DOCK5: variants seen among roughly 807,000 people sequenced by gnomAD.
DOCK5 encodes the protein dedicator of cytokinesis protein 5.
Under a neutral mutation model 251.8 loss-of-function variants are expected in DOCK5, and 142 were observed. That is an observed-to-expected ratio of 0.56 (90% CI 0.49 to 0.65). The LOEUF (loss-of-function observed/expected upper bound fraction) is 0.65. Among genes scored for constraint, DOCK5 ranks in the 30% least tolerant of loss-of-function variants. The pLI is 0.00. For missense variants in DOCK5, 2,111 were observed against 2,312.3 expected, an observed-to-expected ratio of 0.91 and a Z score of 1.79; for synonymous variants, 842 against 835.5, an observed-to-expected ratio of 1.01 and a Z score of -0.13.
At chr8:25,348,647 G>A (rs1800411917) in intron 26 of DOCK5, among the ~76,000 whole-genome samples, 1 of 152,124 alleles carries the variant, frequency 6.6e-6, no homozygotes, top group Non-Finnish European at 1.5e-5. Context: ...AGACCAGCCT[G>A]ACCAACATGA....
At chr8:25,365,850 A>C (rs982375114) in intron 30 of DOCK5, among the ~76,000 whole-genome samples, 3 of 152,198 alleles carry the variant, frequency 2.0e-5, no homozygotes, top group Non-Finnish European at 2.9e-5. Flanking sequence ...TCAGAACTTT[A>C]AAAGTTGAAA....
At chr8:25,227,254 A>G (rs571217640) in intron 1 of DOCK5, among the ~76,000 whole-genome samples, 1 of 152,326 alleles carries the variant, frequency 6.6e-6, no homozygotes, top group African/African-American at 2.4e-5. Flanking sequence ...TGTAATCTGC[A>G]GGTAGAAAAT....
At chr8:25,374,745 A>C (rs766753132) in intron 37 of DOCK5, 91 bp downstream of exon 37, 9 of 1,609,488 alleles carry the variant, frequency 5.6e-6, no homozygotes, top group Non-Finnish European at 7.6e-6. Context: ...GATGGGAAAG[A>C]ACTTTATTCC....
chr8:25,258,166 G>A (rs1803470207), intron 2 of DOCK5, among the ~76,000 whole-genome samples: 1 of 151,868 alleles, frequency 6.6e-6, no homozygotes, highest in South Asian at 2.1e-4. Context: ...TGGAAATTTG[G>A]ATATATCATC....
chr8:25,233,711 T>C, intron 1 of DOCK5, among the ~76,000 whole-genome samples: 1 of 152,256 alleles, frequency 6.6e-6, no homozygotes, highest in East Asian at 1.9e-4. Context: ...TCTATCACTT[T>C]TCTTTCTTTT....
chr8:25,277,084 C>A, intron 4 of DOCK5: 1 of 153,726 alleles, frequency 6.5e-6, no homozygotes, highest in South Asian at 1.8e-4. Flanking sequence ...GCGTTGGCCT[C>A]AAACCCGCTC....
intron 26 of DOCK5, among the ~76,000 whole-genome samples, chr8:25,349,112 A>G (rs1437930431): frequency 6.6e-6 from 1 of 152,236 alleles, no homozygotes; most frequent in Non-Finnish European, 1.5e-5. Context: ...AAGAAGGGAC[A>G]GAGGGAAGCA....
At chr8:25,395,433 T>C in intron 44 of DOCK5, 110 bp from the exon 45 acceptor site, 3 of 1,219,314 alleles carry the variant, frequency 2.5e-6, no homozygotes, top group Non-Finnish European at 3.5e-6. Flanking sequence ...TCTTCCCTTT[T>C]CTATAGCTTG....
At chr8:25,196,954 T>C (rs1384676176) in intron 1 of DOCK5, among the ~76,000 whole-genome samples, 1 of 152,148 alleles carries the variant, frequency 6.6e-6, no homozygotes, top group Admixed American at 6.5e-5. Flanking sequence ...ATCCCAGCAC[T>C]TTAGGAGGCT....
At chr8:25,365,265 T>C (rs779254277) in intron 30 of DOCK5, among the ~76,000 whole-genome samples, 18 of 152,242 alleles carry the variant, frequency 1.2e-4, no homozygotes, top group Non-Finnish European at 2.4e-4. Context: ...GGCATTTCCC[T>C]GGTGAAGGCA....
intron 18 of DOCK5, among the ~76,000 whole-genome samples, chr8:25,326,930 G>A (rs1043713091): frequency 1.3e-5 from 2 of 152,118 alleles, no homozygotes; most frequent in East Asian, 1.9e-4. Context: ...TGAAGGACAC[G>A]GTGAACTTTT....
chr8:25,236,818 C>G lies in DOCK5; in HGVS notation c.44-6856C>G, dbSNP rs942137323. Among the ~76,000 whole-genome samples the G allele has an allele frequency of 5.3e-5, 8 of 151,646 alleles. No homozygotes were observed. In the East Asian group the frequency reaches 1.6e-3, roughly 30 times the overall value. ...TTTACCATGTTGGCCAAGCTGGTCT[C>G]GAACTCCTGACCTCAACTTATCCAC... is the stretch of plus-strand genomic sequence containing the variant. On this transcript the variant is annotated intron_variant, in intron 1 of 51. Transcript: ENST00000276440.
At chr8:25,323,789 T>C in intron 16 of DOCK5, 59 bp from the exon 17 acceptor site, 1 of 1,561,026 alleles carries the variant, frequency 6.4e-7, no homozygotes, top group Non-Finnish European at 8.7e-7. Context: ...AATCGTGTCA[T>C]AGCCATCGCC....
At chr8:25,237,040 G>A (rs934649197) in intron 1 of DOCK5, among the ~76,000 whole-genome samples, 5 of 152,162 alleles carry the variant, frequency 3.3e-5, no homozygotes, top group African/African-American at 9.7e-5. Context: ...ATTGTAATTT[G>A]AGGATTCATG....
At chr8:25,351,882 C>T in intron 27 of DOCK5, 56 bp downstream of exon 27, 1 of 1,506,940 alleles carries the variant, frequency 6.6e-7, no homozygotes, top group Non-Finnish European at 9.1e-7. Context: ...TCCCCTTTGC[C>T]TATCGGGAGG....
intron 7 of DOCK5, among the ~76,000 whole-genome samples, chr8:25,298,662 T>G (rs1440871747): frequency 6.6e-6 from 1 of 152,100 alleles, no homozygotes; most frequent in Non-Finnish European, 1.5e-5. Flanking sequence ...GTTCAGTGAC[T>G]CCATCATAAC....
intron 27 of DOCK5, among the ~76,000 whole-genome samples, chr8:25,352,525 C>T (rs1800490015): frequency 6.6e-6 from 1 of 152,126 alleles, no homozygotes; most frequent in Non-Finnish European, 1.5e-5. Flanking sequence ...GTGGTGTCAT[C>T]ATTAAAGTGA....
chr8:25,239,560 C>G (rs981494544), intron 1 of DOCK5, among the ~76,000 whole-genome samples: 1 of 151,948 alleles, frequency 6.6e-6, no homozygotes, highest in Non-Finnish European at 1.5e-5. Flanking sequence ...ATGGAAGGGA[C>G]CATTTCAGTA....
At chr8:25,405,438 T>TTG (rs1801506742) in intron 48 of DOCK5, among the ~76,000 whole-genome samples, 1 of 152,090 alleles carries the variant, frequency 6.6e-6, no homozygotes, top group Non-Finnish European at 1.5e-5. Context: ...TTTGTTTTTT[T>TTG]TGAAATGTCA....
Sources: gnomAD v4.1 joint callset for allele counts (sites outside exome capture counted in the v4.1 genomes callset) on GRCh38, gnomAD v4.1.1 for gene constraint, MANE v1.5 for transcripts, NCBI Gene and HGNC (gene_info 2026-07-23, HGNC 2026-07-21) for gene names.